SLC9A1: variants seen among roughly 807,000 people sequenced by gnomAD.
The protein encoded by SLC9A1 is solute carrier family 9 member A1, also known as sodium/hydrogen exchanger 1.
In SLC9A1, 22 loss-of-function variants were observed where a neutral mutation model predicts 67.9. The ratio of observed to expected loss-of-function variants is 0.32; its 90% confidence interval spans 0.23 to 0.46. SLC9A1 has a LOEUF of 0.46. SLC9A1 is among the 20% of genes least tolerant of loss of function. SLC9A1 has a pLI of 1.00. For synonymous variants in SLC9A1, 421 were observed against 471.8 expected (o/e 0.89, Z 1.40); for missense variants, 686 against 1,094.8 (o/e 0.63, Z 5.27).
At position 27,154,394 on chromosome 1, in the gene SLC9A1, G is replaced by C; in HGVS notation, c.-60C>G. The C allele has an allele frequency of 9.4e-7, 1 of 1,069,000 alleles. No individual in the cohort carries two copies. The highest frequency in any genetic ancestry group is 1.3e-6 in the Non-Finnish European group (1 of 743,400). The allele number at this position is 1,069,000 out of a possible 1,614,324, so 66.2% of individuals were successfully genotyped here. A position where few individuals can be genotyped will look rare whatever the true frequency, so the allele number is the denominator to read the frequency against. Reference sequence around the variant, plus strand: ...AAATGAGAGTAAAACCGGGCACATAGGTAGCAAAGGGTCAGCAAGTGGGAA... The same window carrying C: ...AAATGAGAGTAAAACCGGGCACATACGTAGCAAAGGGTCAGCAAGTGGGAA... On this transcript the variant is annotated 5_prime_UTR_variant, in exon 1 of 12. Transcript: ENST00000263980.
At chr1:27,141,955 C>T (rs766136494) in intron 1 of SLC9A1, among the ~76,000 whole-genome samples, 4 of 152,184 alleles carry the variant, frequency 2.6e-5, no homozygotes, top group Admixed American at 2.0e-4. Flanking sequence ...ATGGACTACA[C>T]GACCTGAGGG....
intron 1 of SLC9A1, among the ~76,000 whole-genome samples, chr1:27,151,072 G>A (rs1457542672): frequency 7.2e-5 from 11 of 152,062 alleles, no homozygotes; most frequent in South Asian, 2.1e-4. Flanking sequence ...CTTCCCTCCC[G>A]CCATGACCAG....
intron 2 of SLC9A1, among the ~76,000 whole-genome samples, chr1:27,112,534 C>T (rs1280328478): frequency 6.6e-6 from 1 of 152,180 alleles, no homozygotes; most frequent in Non-Finnish European, 1.5e-5. Context: ...GTATATGGTG[C>T]TACCACGTGC....
At chr1:27,142,545 C>A (rs1295923089) in intron 1 of SLC9A1, among the ~76,000 whole-genome samples, 1 of 152,220 alleles carries the variant, frequency 6.6e-6, no homozygotes, top group African/African-American at 2.4e-5. Context: ...CCTTCAGAGG[C>A]TTTCTCTTGC....
chr1:27,151,021 T>C (rs943281516), intron 1 of SLC9A1, among the ~76,000 whole-genome samples: 1 of 152,138 alleles, frequency 6.6e-6, no homozygotes, highest in Non-Finnish European at 1.5e-5. Context: ...GAGCATGGCC[T>C]CAGCCCCCCA....
chr1:27,133,999 G>A (rs2083403199), intron 1 of SLC9A1, among the ~76,000 whole-genome samples: 1 of 151,910 alleles, frequency 6.6e-6, no homozygotes, highest in African/African-American at 2.4e-5. Context: ...TCCTGACCTC[G>A]TGACCTACCC....
rs752502729 is a variant in SLC9A1, at chr1:27,102,146, A to G, written c.1821-16T>C. The G allele has an allele frequency of 1.6e-5, 26 of 1,588,326 alleles. No homozygotes were observed. The highest frequency in any genetic ancestry group is 1.7e-4 in the Middle Eastern group (1 of 6,044). Reference sequence around the variant, plus strand: ...GTGGATGTTCCTGGGGCAATAGGGCATCGGTTAGGTCCCCAAGATTCTTGG... The same window carrying G: ...GTGGATGTTCCTGGGGCAATAGGGCGTCGGTTAGGTCCCCAAGATTCTTGG... On this transcript the variant is annotated splice_polypyrimidine_tract_variant and intron_variant, in intron 8 of 11. Transcript: ENST00000263980.
intron 1 of SLC9A1, among the ~76,000 whole-genome samples, chr1:27,127,329 G>A (rs1038509503): frequency 6.6e-6 from 1 of 152,188 alleles, no homozygotes; most frequent in African/African-American, 2.4e-5. Flanking sequence ...TGGAGCAAAT[G>A]GCAGTGGACT....
At position 27,155,053 on chromosome 1, in the gene SLC9A1, C is replaced by T. The variant is rs1202312935; in HGVS notation, c.-719G>A. 2 of 152,498 alleles carry T rather than the reference C, an allele frequency of 1.3e-5. No homozygotes were observed. Among genetic ancestry groups the T allele is most frequent in the Non-Finnish European group, 2.9e-5 (2 of 68,420 alleles). 9.4% of individuals were successfully genotyped at this position (152,498 alleles called of 1,614,324 possible). ...GCCCTGGCGCGACGCGGCGCTCCGC[C>T]CCGGCCCAGCTGCAGCTCCTCCTGG... On this transcript the variant is annotated 5_prime_UTR_variant, in exon 1 of 12. Coordinates refer to ENST00000263980, the MANE Select transcript of SLC9A1 (RefSeq NM_003047.5). This position sits in a 1 kb window ranked among gnomAD's most constrained non-coding sequence, Gnocchi z 4.5.
intron 1 of SLC9A1, among the ~76,000 whole-genome samples, chr1:27,146,812 C>A (rs1362190161): frequency 6.6e-6 from 1 of 152,018 alleles, no homozygotes; most frequent in East Asian, 1.9e-4. Flanking sequence ...TAATAAGTGG[C>A]AGCTAATTAA....
chr1:27,140,343 C>T (rs1004257890), intron 1 of SLC9A1, among the ~76,000 whole-genome samples: 3 of 152,128 alleles, frequency 2.0e-5, no homozygotes, highest in African/African-American at 7.2e-5. Flanking sequence ...TGTGTCTCCC[C>T]ACCTCCCAAC....
rs115896271 is a variant in SLC9A1, at chr1:27,101,023, G to A, written c.2110+180C>T. On this transcript the variant is annotated intron_variant, in intron 11 of 11. Coordinates refer to ENST00000263980, the MANE Select transcript of SLC9A1 (RefSeq NM_003047.5). This position sits in a 1 kb window ranked among gnomAD's most constrained non-coding sequence, Gnocchi z 4.9. ...TCCCCACACAGTCCTCGCCCGGAAC[G>A]TCTCTCTCCCTAGGGATGGCCCCTG... 4.4e-3 allele frequency among the ~76,000 whole-genome samples: 666 copies of A among 152,316 alleles called. 2 individuals carry two copies. Among genetic ancestry groups the A allele is most frequent in the African/African-American group, 0.015 (638 of 41,576 alleles).
rs2083210639 is a variant in SLC9A1, at chr1:27,109,288, CT to C, written c.1064+238del. Among the ~76,000 whole-genome samples, 1 of 152,202 alleles carries C rather than the reference CT, an allele frequency of 6.6e-6. No homozygotes were observed. The highest frequency in any genetic ancestry group is 6.5e-5 in the Admixed American group (1 of 15,280). On this transcript the variant is annotated intron_variant, in intron 3 of 11. Transcript: ENST00000263980. The surrounding 1 kb of genome is among the most constrained non-coding windows in gnomAD (Gnocchi z 5.5). Reference sequence around the variant, plus strand: ...TCATCTGCTCATAGCCTGAAATGCCCTCTCCCGATTCCTGGACCCCAGGGGG... The same window carrying C: ...TCATCTGCTCATAGCCTGAAATGCCCCTCCCGATTCCTGGACCCCAGGGGG...
intron 6 of SLC9A1, 43 bp downstream of exon 6, chr1:27,103,180 G>T (rs2124131007): frequency 7.1e-7 from 1 of 1,409,196 alleles, no homozygotes. Context: ...CTATCTCCCT[G>T]TTCCTCCTTC....
intron 1 of SLC9A1, among the ~76,000 whole-genome samples, chr1:27,135,524 G>GAAAA (rs1464533443): frequency 7.7e-4 from 54 of 70,360 alleles, no homozygotes; most frequent in African/African-American, 3.5e-3. Context: ...CCTTTTTTCT[G>GAAAA]GAAAAAAAAA....
intron 1 of SLC9A1, among the ~76,000 whole-genome samples, chr1:27,122,209 G>A (rs2083308967): frequency 1.3e-5 from 2 of 152,148 alleles, no homozygotes; most frequent in South Asian, 4.1e-4. Flanking sequence ...TCCCCAGGCT[G>A]AGTCAGGTGC....
Position 27,122,633 on chromosome 1 carries a change from C to A in SLC9A1, c.353-8347G>T, listed in dbSNP as rs143908937. 1.6e-3 allele frequency among the ~76,000 whole-genome samples: 238 copies of A among 152,338 alleles called. 1 individual carries two copies. Among genetic ancestry groups the A allele is most frequent in the African/African-American group, 5.3e-3 (221 of 41,576 alleles). On this transcript the variant is annotated intron_variant, in intron 1 of 11. Coordinates refer to ENST00000263980, the MANE Select transcript of SLC9A1 (RefSeq NM_003047.5). ...CCTAGCCTGCAGCCTGGTTCTACCA[C>A]CACCAGCCTTCTCCCTGGGTCTCAA...
At chr1:27,108,359 C>G in intron 3 of SLC9A1, among the ~76,000 whole-genome samples, 1 of 146,998 alleles carries the variant, frequency 6.8e-6, no homozygotes, top group Admixed American at 6.8e-5. Flanking sequence ...GAGCGCATGC[C>G]CGGCCCTATT....
At position 27,107,710 on chromosome 1, in the gene SLC9A1, T is replaced by C; in HGVS notation, c.1220A>G (p.His407Arg). 1 of 1,576,336 alleles carries C rather than the reference T, an allele frequency of 6.3e-7. No individual in the cohort carries two copies. The highest frequency in any genetic ancestry group is 8.6e-7 in the Non-Finnish European group (1 of 1,161,700). ...FLGVSTVAGS[H>R]HWNWTFVIST... ...GATGACGAAGGTCCAGTTCCAGTGG[T>C]GGGAGCCGGCCACCGTGGAGACGCC... is the stretch of plus-strand genomic sequence containing the variant. Residue 407 changes from histidine (H) to arginine (R), a missense_variant, in exon 4 of 12, where the codon CAC (histidine) becomes CGC (arginine). Transcript: ENST00000263980.
Sources: gnomAD v4.1 joint callset for allele counts (sites outside exome capture counted in the v4.1 genomes callset) on GRCh38, gnomAD v4.1.1 for gene constraint, Gnocchi (gnomAD v3.1) non-coding constraint, MANE v1.5 for transcripts, NCBI Gene and HGNC (gene_info 2026-07-23, HGNC 2026-07-21) for gene names.